The following NCAPG2 variants were observed in gnomAD, a reference collection of about 807,000 sequenced individuals.
NCAPG2 encodes condensin-2 complex subunit G2.
In NCAPG2, 53 loss-of-function variants were observed where a neutral mutation model predicts 141.1. The ratio of observed to expected loss-of-function variants is 0.38; its 90% CI spans 0.30 to 0.47. NCAPG2 has a LOEUF of 0.47. NCAPG2 is among the 20% of genes least tolerant of loss of function. The probability of loss-of-function intolerance (pLI) is 0.99; values close to 1 mark genes in which losing one functional copy is unlikely to be tolerated. For missense variants in NCAPG2, 1,087 were observed against 1,389.0 expected, an observed-to-expected ratio of 0.78 and a Z score of 3.46; for synonymous variants, 499 against 490.7, an observed-to-expected ratio of 1.02 and a Z score of -0.22.
chr7:158,640,052 C>CAAAAAAAAAAAAAAA (rs58368997), intron 27 of NCAPG2: 1 of 98,320 alleles, frequency 1.0e-5, no homozygotes, highest in Non-Finnish European at 2.0e-5. Flanking sequence ...GAATAAATGC[C>CAAAAAAAAAAAAAAA]AAAAAAAAAA....
In NCAPG2 at chr7:158,654,695, C is replaced by A; in HGVS notation, c.2647-1G>T. On this transcript the variant is annotated splice_acceptor_variant, in intron 21 of 27. Transcript: ENST00000356309. LOFTEE classifies it high-confidence loss of function. ...CATCTTTACACACAGTCAGGTAGGTCTGTAAGAGACAGACACAGCTTAGCA... is the reference window on the plus strand; with the variant it reads ...CATCTTTACACACAGTCAGGTAGGTATGTAAGAGACAGACACAGCTTAGCA... The A allele has an allele frequency of 6.2e-7, 1 of 1,611,744 alleles. No individual in the cohort carries two copies. Among genetic ancestry groups the A allele is most frequent in the South Asian group, 1.1e-5 (1 of 90,516 alleles).
rs1834404159 is a variant in NCAPG2, at chr7:158,680,798, G to A, written c.943C>T (p.His315Tyr). The A allele has an allele frequency of 1.9e-6, 3 of 1,603,248 alleles. No individual in the cohort carries two copies. Among genetic ancestry groups the A allele is most frequent in the African/African-American group, 1.3e-5 (1 of 74,568 alleles). The change falls in exon 10 of 28, where the codon CAT becomes TAT. Residue 315 changes from histidine to tyrosine, a missense_variant. Physicochemically the swap from His to Tyr is moderately conservative, Grantham distance 83. Transcript: ENST00000356309. Reference sequence around the variant, plus strand: ...ACTCCCTGCCGAACTTTCTTTTGATGGTGAAAGTAACTCAGAACCTAAGGA... The same window carrying A: ...ACTCCCTGCCGAACTTTCTTTTGATAGTGAAAGTAACTCAGAACCTAAGGA... ...KVREVLSYFH[H>Y]QKKVRQGVEE... is the part of the protein sequence containing the mutation.
At chr7:158,647,697 C>CA (rs1392574666) in intron 24 of NCAPG2, among the ~76,000 whole-genome samples, 2 of 145,336 alleles carry the variant, frequency 1.4e-5, no homozygotes, top group African/African-American at 5.0e-5. Flanking sequence ...AACAACACTG[C>CA]TTTTTTTTTT....
chr7:158,678,852 T>C (rs1260201810), intron 11 of NCAPG2, among the ~76,000 whole-genome samples: 1 of 152,066 alleles, frequency 6.6e-6, no homozygotes, highest in Non-Finnish European at 1.5e-5. Context: ...TTACACTTTT[T>C]TTTCTTTTTA....
chr7:158,653,907 G>A (rs1341261810), intron 22 of NCAPG2, among the ~76,000 whole-genome samples: 1 of 152,134 alleles, frequency 6.6e-6, no homozygotes, highest in East Asian at 1.9e-4. Flanking sequence ...CCACAGAAGC[G>A]GCTGAGGGGG....
Position 158,670,258 on chromosome 7 carries a change from C to T in NCAPG2, c.1479+1256G>A, listed in dbSNP as rs188340774. ...AAAACACACAACGTAATATGTACTA[C>T]ATTCAGTGACAAGATCCCCATCATT... On this transcript the variant is annotated intron_variant, in intron 13 of 27. Coordinates refer to ENST00000356309, the MANE Select transcript of NCAPG2 (RefSeq NM_017760.7). Among the ~76,000 whole-genome samples the T allele has an allele frequency of 6.2e-4, 94 of 152,298 alleles. 1 individual carries two copies. The highest frequency in any genetic ancestry group is 2.1e-3 in the African/African-American group (89 of 41,556).
At chr7:158,649,301 G>A (rs1388094047) in intron 24 of NCAPG2, among the ~76,000 whole-genome samples, 1 of 152,212 alleles carries the variant, frequency 6.6e-6, no homozygotes, top group African/African-American at 2.4e-5. Flanking sequence ...TACAACAGCT[G>A]TCAGCAAACT....
chr7:158,652,046 G>T (rs1299778046), intron 23 of NCAPG2, among the ~76,000 whole-genome samples: 1 of 152,180 alleles, frequency 6.6e-6, no homozygotes, highest in Non-Finnish European at 1.5e-5. Flanking sequence ...TCTAACAGCT[G>T]GAGCTCCTGC....
chr7:158,656,744 A>G (rs1311301646), intron 17 of NCAPG2, 39 bp from the exon 18 acceptor site: 3 of 1,599,756 alleles, frequency 1.9e-6, no homozygotes, highest in Admixed American at 1.7e-5. Context: ...GAGTATTTCA[A>G]CGGAGACTCC....
Position 158,633,218 on chromosome 7 carries a change from A to G in NCAPG2, c.3381-1501T>C, listed in dbSNP as rs1748224907. On this transcript the variant is annotated intron_variant, in intron 27 of 27. Coordinates refer to ENST00000356309, the MANE Select transcript of NCAPG2 (RefSeq NM_017760.7). This position sits in a 1 kb window ranked among gnomAD's most constrained non-coding sequence, Gnocchi z 4.1. Reference sequence around the variant, plus strand: ...GGCCTTTTCCCCCAAGTCTATCCCCACCCTCGTGACCTCTCCTCGTGAGTA... The same window carrying G: ...GGCCTTTTCCCCCAAGTCTATCCCCGCCCTCGTGACCTCTCCTCGTGAGTA... 6.6e-6 allele frequency among the ~76,000 whole-genome samples: 1 copy of G among 151,920 alleles called. No individual in the cohort carries two copies. The highest frequency in any genetic ancestry group is 1.5e-5 in the Non-Finnish European group (1 of 67,978).
At chr7:158,691,268 A>T (rs1294494515) in intron 4 of NCAPG2, among the ~76,000 whole-genome samples, 1 of 152,252 alleles carries the variant, frequency 6.6e-6, no homozygotes, top group Non-Finnish European at 1.5e-5. Context: ...ATCTGTAGGT[A>T]TCTGAATGTC....
chr7:158,643,280 C>T (rs1479110280), intron 27 of NCAPG2, among the ~76,000 whole-genome samples: 1 of 152,082 alleles, frequency 6.6e-6, no homozygotes, highest in African/African-American at 2.4e-5. Context: ...AGGGTTTTAC[C>T]ATGTTGGCCA....
intron 27 of NCAPG2, among the ~76,000 whole-genome samples, chr7:158,642,371 G>A (rs1219036179): frequency 6.6e-6 from 1 of 151,928 alleles, no homozygotes; most frequent in East Asian, 1.9e-4. Context: ...CCCCATCTCT[G>A]CAAAAAAATT....
chr7:158,637,563 T>C (rs1830355426), intron 27 of NCAPG2, among the ~76,000 whole-genome samples: 2 of 152,270 alleles, frequency 1.3e-5, no homozygotes, highest in Non-Finnish European at 2.9e-5. Flanking sequence ...GAGAGTAGGC[T>C]TTCCAGCTCC....
At position 158,656,666 on chromosome 7, in the gene NCAPG2, G is replaced by A. The variant is rs548315359; in HGVS notation, c.2100C>T (p.Gly700=). ...VISTLRSREE[G]AVDKSYCTLL... ...AAGTGCAGTAGCTCTTGTCCACAGC[G>A]CCCTCCTCCCGGCTTCTCAGCGTGG... Residue 700 remains glycine, a synonymous_variant, in exon 18 of 28, where the codon GGC becomes GGT. Coordinates refer to ENST00000356309, the MANE Select transcript of NCAPG2 (RefSeq NM_017760.7). 19 of 1,614,064 alleles carry A rather than the reference G, an allele frequency of 1.2e-5. No homozygotes were observed. Among genetic ancestry groups the A allele is most frequent in the African/African-American group, 6.7e-5 (5 of 75,040 alleles).
intron 23 of NCAPG2, among the ~76,000 whole-genome samples, chr7:158,651,894 A>C (rs962006013): frequency 1.1e-4 from 17 of 152,250 alleles, no homozygotes; most frequent in African/African-American, 3.9e-4. Context: ...ATCTTTCAAA[A>C]GAAAGGTATA....
At position 158,656,704 on chromosome 7, in the gene NCAPG2, A is replaced by T. The variant is rs776456175; in HGVS notation, c.2062T>A (p.Cys688Ser). The T allele has an allele frequency of 1.9e-6, 3 of 1,613,446 alleles. No homozygotes were observed. Among genetic ancestry groups the T allele is most frequent in the Non-Finnish European group, 2.5e-6 (3 of 1,179,824 alleles). The stretch of plus-strand genomic sequence containing the variant: ...CTTCTCAGCGTGGAAATCACACCAC[A>T]GCTGAAAATGTCAGACGGAAAATCG... ...MPASAVPPFS[C>S]GVISTLRSRE... is the part of the protein sequence containing the mutation. The change falls in exon 18 of 28, where the codon TGT becomes AGT. Residue 688 changes from cysteine (C) to serine (S), a missense_variant and splice_region_variant. Transcript: ENST00000356309.
chr7:158,643,947 G>A (rs978663993), intron 27 of NCAPG2, among the ~76,000 whole-genome samples: 4 of 152,206 alleles, frequency 2.6e-5, no homozygotes, highest in South Asian at 2.1e-4. Flanking sequence ...GTATTTGTCC[G>A]CTAGGTGTCT....
In NCAPG2 at chr7:158,693,435, T is replaced by C. The variant is rs1835252122; in HGVS notation, c.141A>G (p.Lys47=). ...ELLDELSRKQ[K]EELWQRLKNL... is the part of the protein sequence containing the mutation. ...TCTTCAGCCTTTGCCATAATTCTTCTTTCTGTTTCCTTGATAATTCATCTA... is the reference window on the plus strand; with the variant it reads ...TCTTCAGCCTTTGCCATAATTCTTCCTTCTGTTTCCTTGATAATTCATCTA... The change falls in exon 3 of 28, where the codon AAA becomes AAG. Residue 47 remains lysine (K), a synonymous_variant. Coordinates refer to ENST00000356309, the MANE Select transcript of NCAPG2 (RefSeq NM_017760.7). 1.9e-6 allele frequency: 3 copies of C among 1,614,012 alleles called. No homozygotes were observed. The South Asian group carries it at 3.3e-5, about 18-fold the overall frequency.
Sources: gnomAD v4.1 joint callset for allele counts (sites outside exome capture counted in the v4.1 genomes callset) on GRCh38, gnomAD v4.1.1 for gene constraint, Gnocchi (gnomAD v3.1) non-coding constraint, MANE v1.5 for transcripts, NCBI Gene and HGNC (gene_info 2026-07-23, HGNC 2026-07-21) for gene names.